The following ITPRID1 variants were observed in gnomAD, a reference collection of about 807,000 sequenced individuals.
The protein encoded by ITPRID1 is ITPR interacting domain containing 1.
In ITPRID1, 96 loss-of-function variants were observed where a neutral mutation model predicts 95.4. The ratio of observed to expected loss-of-function variants is 1.01; its 90% CI spans 0.85 to 1.19. The LOEUF (loss-of-function observed/expected upper bound fraction) is 1.19, where lower values mean the gene tolerates loss of function less well. ITPRID1 is among the 50% of genes most tolerant of loss of function. The pLI is 0.00. For missense variants in ITPRID1, 1,339 were observed against 1,252.9 expected, an observed-to-expected ratio of 1.07 and a Z score of -1.04; for synonymous variants, 510 against 453.6, an observed-to-expected ratio of 1.12 and a Z score of -1.58.
At chr7:31,607,625 G>A (rs997888069) in intron 10 of ITPRID1, among the ~76,000 whole-genome samples, 1 of 151,848 alleles carries the variant, frequency 6.6e-6, no homozygotes, top group Admixed American at 6.6e-5. Context: ...ATAATAATAT[G>A]TGTTGGTCTG....
rs1790195510 is a variant in ITPRID1 at position 31,643,331 on chromosome 7, C to A, written c.1961C>A (p.Thr654Asn). 6.2e-7 allele frequency: 1 copy of A among 1,614,016 alleles called. No individual in the cohort carries two copies. Among genetic ancestry groups the A allele is most frequent in the Non-Finnish European group, 8.5e-7 (1 of 1,179,894 alleles). Residue 654 changes from threonine to asparagine, a missense_variant, in exon 12 of 15, where the codon ACT (threonine) becomes AAT (asparagine). Physicochemically the swap from Thr to Asn is moderately conservative, Grantham distance 65. Coordinates refer to ENST00000615280, the MANE Select transcript of ITPRID1 (RefSeq NM_001257967.3). ...CACAGTGAAATCACACCTTATGCAA[C>A]TGACCTTGCTCAAACATCTGAAAAG... ...PKHSEITPYA[T>N]DLAQTSEKLI...
At chr7:31,601,691 T>C (rs1414349701) in intron 10 of ITPRID1, among the ~76,000 whole-genome samples, 1 of 152,226 alleles carries the variant, frequency 6.6e-6, no homozygotes, top group Non-Finnish European at 1.5e-5. Flanking sequence ...AGGTTGCTAA[T>C]GTGGAGGTAA....
In ITPRID1 at chr7:31,553,143, CT is replaced by C. The variant is rs1325082384; in HGVS notation, c.120del (p.Asp41ThrfsTer56). On this transcript the variant is annotated frameshift_variant, in exon 3 of 15. Transcript: ENST00000615280. LOFTEE classifies it high-confidence loss of function. Reference sequence around the variant, plus strand: ...GCTCCGCTGGATGAGTGGCTGCCCCCTGACCCTGAGGAGGAAAGCCAGAGTC... The same window carrying C: ...GCTCCGCTGGATGAGTGGCTGCCCCCGACCCTGAGGAGGAAAGCCAGAGTC... ...AWAPLDEWLPPDPEEESQSLT... is the reference protein window; with the variant it reads ...AWAPLDEWLPXDPEEESQSLT... The C allele has an allele frequency of 2.5e-6, 4 of 1,592,406 alleles. No individual in the cohort carries two copies. Among genetic ancestry groups the C allele is most frequent in the South Asian group, 1.1e-5 (1 of 87,666 alleles).
chr7:31,656,127 C>G lies in ITPRID1; in HGVS notation c.*3298C>G, dbSNP rs1791293249. 3 of 684,608 alleles carry G rather than the reference C, an allele frequency of 4.4e-6. No homozygotes were observed. Among genetic ancestry groups the G allele is most frequent in the Non-Finnish European group, 5.4e-6 (3 of 555,784 alleles). The allele number at this position is 684,608 out of a possible 1,614,324, so 42.4% of individuals were successfully genotyped here. Reference sequence around the variant, plus strand: ...CTTATTTTTTGAAACTCCTATATCACTTTGCTTTTTTGTTAAAACACTGAA... The same window carrying G: ...CTTATTTTTTGAAACTCCTATATCAGTTTGCTTTTTTGTTAAAACACTGAA... On this transcript the variant is annotated 3_prime_UTR_variant, in exon 15 of 15. Transcript: ENST00000615280.
intron 10 of ITPRID1, among the ~76,000 whole-genome samples, chr7:31,621,874 G>A: frequency 6.6e-6 from 1 of 151,874 alleles, no homozygotes; most frequent in Non-Finnish European, 1.5e-5. Flanking sequence ...CTCACATGCA[G>A]AGACACATAG....
At chr7:31,652,207 G>A (rs540135339) in intron 14 of ITPRID1, among the ~76,000 whole-genome samples, 157 bp downstream of exon 14, 1 of 152,158 alleles carries the variant, frequency 6.6e-6, no homozygotes, top group East Asian at 1.9e-4. Context: ...TTTGCTCAAG[G>A]GTACACAGCC....
intron 10 of ITPRID1, among the ~76,000 whole-genome samples, chr7:31,603,814 T>C (rs1332845255): frequency 1.3e-5 from 2 of 152,124 alleles, no homozygotes; most frequent in South Asian, 2.1e-4. Context: ...TGTAGCTACA[T>C]TGCTCCTTTT....
chr7:31,587,938 T>C (rs1301299285), intron 10 of ITPRID1, among the ~76,000 whole-genome samples: 1 of 152,158 alleles, frequency 6.6e-6, no homozygotes, highest in Non-Finnish European at 1.5e-5. Flanking sequence ...GCTAGCCATA[T>C]GTAGAAAGCT....
At chr7:31,636,725 T>TA (rs745610017) in intron 10 of ITPRID1, among the ~76,000 whole-genome samples, 18 of 111,506 alleles carry the variant, frequency 1.6e-4, no homozygotes, top group Non-Finnish European at 2.2e-4. Context: ...CTTTTTTTTT[T>TA]AAAAATTTTA....
intron 10 of ITPRID1, among the ~76,000 whole-genome samples, chr7:31,621,908 A>C (rs1054895841): frequency 6.6e-6 from 1 of 151,664 alleles, no homozygotes; most frequent in Non-Finnish European, 1.5e-5. Flanking sequence ...GGATGGAGGA[A>C]GATCTACCAA....
At chr7:31,523,171 C>G (rs6979381) in intron 1 of ITPRID1, among the ~76,000 whole-genome samples, 28,227 of 151,990 alleles carry the variant, frequency 0.19, 3,970 homozygotes, top group African/African-American at 0.37. Flanking sequence ...TTTAAGACGA[C>G]AAGAAGGTTG....
intron 1 of ITPRID1, among the ~76,000 whole-genome samples, chr7:31,523,958 C>T (rs1394543802): frequency 6.6e-6 from 1 of 152,158 alleles, no homozygotes; most frequent in African/African-American, 2.4e-5. Context: ...GTTGGTTCTT[C>T]TTGAACCATT....
intron 10 of ITPRID1, among the ~76,000 whole-genome samples, chr7:31,603,023 C>T (rs1786464462): frequency 6.6e-6 from 1 of 152,006 alleles, no homozygotes; most frequent in Non-Finnish European, 1.5e-5. Context: ...CTGTTTCTGG[C>T]TGCCCATGTC....
In ITPRID1 at chr7:31,574,818, A is replaced by G. The variant is rs1377270815; in HGVS notation, c.598+76A>G. 4 of 1,319,962 alleles carry G rather than the reference A, an allele frequency of 3.0e-6. No homozygotes were observed. The African/African-American group carries it at 4.3e-5, about 14-fold the overall frequency. The allele number at this position is 1,319,962 out of a possible 1,614,324, so 81.8% of individuals were successfully genotyped here. ...CAGGTGGGCCACAGTGTAGGCGAGG[A>G]GATTGTGTGAAGTAGCATGCAAACC... On this transcript the variant is annotated intron_variant, in intron 8 of 14. Coordinates refer to ENST00000615280, the MANE Select transcript of ITPRID1 (RefSeq NM_001257967.3).
intron 1 of ITPRID1, among the ~76,000 whole-genome samples, chr7:31,531,961 T>C (rs1783611845): frequency 6.6e-6 from 1 of 152,172 alleles, no homozygotes; most frequent in African/African-American, 2.4e-5. Flanking sequence ...GGTAATAGCG[T>C]ACAACTGCAT....
At chr7:31,546,012 T>G (rs1183088607) in intron 1 of ITPRID1, among the ~76,000 whole-genome samples, 2 of 152,122 alleles carry the variant, frequency 1.3e-5, no homozygotes, top group Non-Finnish European at 2.9e-5. Flanking sequence ...ACTACAACTT[T>G]AAAATGTCTT....
intron 10 of ITPRID1, among the ~76,000 whole-genome samples, chr7:31,615,216 G>A (rs1431465434): frequency 6.6e-6 from 1 of 152,022 alleles, no homozygotes; most frequent in African/African-American, 2.4e-5. Flanking sequence ...CATGGATATA[G>A]GGCTGACTAG....
intron 10 of ITPRID1, among the ~76,000 whole-genome samples, chr7:31,598,250 GATA>G (rs1239707927): frequency 6.6e-6 from 1 of 152,006 alleles, no homozygotes; most frequent in Non-Finnish European, 1.5e-5. Flanking sequence ...AAAAGAAACT[GATA>G]ATATGACTTC....
intron 10 of ITPRID1, among the ~76,000 whole-genome samples, chr7:31,629,516 G>A (rs1788804717): frequency 6.6e-6 from 1 of 152,046 alleles, no homozygotes; most frequent in African/African-American, 2.4e-5. Context: ...TTACTCTAAA[G>A]GATATTTTTC....
Sources: gnomAD v4.1 joint callset for allele counts (sites outside exome capture counted in the v4.1 genomes callset) on GRCh38, gnomAD v4.1.1 for gene constraint, MANE v1.5 for transcripts, NCBI Gene and HGNC (gene_info 2026-07-23, HGNC 2026-07-21) for gene names.